Variants in RNF222 observed in about 807,000 individuals in gnomAD.
RNF222 encodes the protein RING finger protein LOC643904.
RNF222 carries 14 observed loss-of-function variants against 10.8 expected under a neutral mutation model. That is an observed-to-expected ratio of 1.30 (90% CI 0.86 to 2.03). The LOEUF is 2.03. Ranked by LOEUF, RNF222 falls within the 30% of genes most tolerant of loss-of-function variation. RNF222 has a pLI of 0.00. For missense variants in RNF222, 298 were observed against 295.8 expected (o/e 1.01, Z -0.06); for synonymous variants, 141 against 142.5 (o/e 0.99, Z 0.07).
chr17:8,396,634 G>A (rs1212885156), intron 1 of RNF222, among the ~76,000 whole-genome samples: 2 of 151,556 alleles, frequency 1.3e-5, no homozygotes, highest in African/African-American at 4.9e-5. Context: ...CGCTTCCAAC[G>A]ATGGCCTCTC....
At position 8,393,469 on chromosome 17, in the gene RNF222, G is replaced by A; in HGVS notation, c.-8C>T. On this transcript the variant is annotated 5_prime_UTR_variant, in exon 3 of 3. Transcript: ENST00000399398. ...GCTCTCCCCTTCTGACATGGCCACTGGGAGATGGCACGCTCAGCTGTGGAC... is the reference window on the plus strand; with the variant it reads ...GCTCTCCCCTTCTGACATGGCCACTAGGAGATGGCACGCTCAGCTGTGGAC... 6.5e-7 allele frequency: 1 copy of A among 1,544,152 alleles called. No homozygotes were observed. The highest frequency in any genetic ancestry group is 1.2e-5 in the South Asian group (1 of 83,192).
At chr17:8,396,170 G>A (rs1412693934) in intron 1 of RNF222, among the ~76,000 whole-genome samples, 4 of 152,132 alleles carry the variant, frequency 2.6e-5, no homozygotes, top group Non-Finnish European at 5.9e-5. Context: ...ATACTAGAGG[G>A]AAAAAGGACT....
chr17:8,393,432 C>G lies in RNF222; in HGVS notation c.30G>C (p.Ser10=), dbSNP rs567114389. 2 of 1,550,966 alleles carry G rather than the reference C, an allele frequency of 1.3e-6. No homozygotes were observed. The highest frequency in any genetic ancestry group is 1.7e-6 in the Non-Finnish European group (2 of 1,146,660). The change falls in exon 3 of 3, where the codon TCG becomes TCC. Residue 10 remains serine (S), a synonymous_variant. Transcript: ENST00000399398. The stretch of plus-strand genomic sequence containing the variant: ...CATAGCACACGGGGCACTCACTGCC[C>G]GAGCTGTCCTTGCTCTCCCCTTCTG... The part of the protein sequence containing the change: MSEGESKDS[S]GSECPVCYEK...
At position 8,394,169 on chromosome 17, in the gene RNF222, T is replaced by C. The variant is rs1473321730; in HGVS notation, c.-26+9A>G. ...GTCACGTCAGGGAGCTTTAGGTTCA[T>C]TCCCTCACCTGCCACAGCTCAGTCA... On this transcript the variant is annotated intron_variant, in intron 2 of 2. Transcript: ENST00000399398. 1 of 152,248 alleles carries C rather than the reference T, an allele frequency of 6.6e-6. No homozygotes were observed. Among genetic ancestry groups the C allele is most frequent in the Admixed American group, 6.5e-5 (1 of 15,284 alleles). The allele number at this position is 152,248 out of a possible 1,614,324, so 9.4% of individuals were successfully genotyped here. A position where few individuals can be genotyped will look rare whatever the true frequency, so the allele number is the denominator to read the frequency against.
chr17:8,397,487 G>T (rs1908075900), intron 1 of RNF222, among the ~76,000 whole-genome samples: 1 of 152,124 alleles, frequency 6.6e-6, no homozygotes, highest in Non-Finnish European at 1.5e-5. Context: ...ATACTTCCAG[G>T]CACCTGGGAT....
At chr17:8,395,414 T>C (rs996152440) in intron 1 of RNF222, among the ~76,000 whole-genome samples, 11 of 152,030 alleles carry the variant, frequency 7.2e-5, no homozygotes, top group African/African-American at 2.7e-4. Flanking sequence ...CCTCGGAGAG[T>C]TGTTGGGGGA....
rs1907918779 is a variant in RNF222, at chr17:8,393,223, A to G, written c.239T>C (p.Met80Thr). The change falls in exon 3 of 3, where the codon ATG (methionine) becomes ACG (threonine). Residue 80 changes from methionine to threonine, a missense_variant. Physicochemically the swap from Met to Thr is moderately conservative, Grantham distance 81 (BLOSUM62 -1). Coordinates refer to ENST00000399398, the MANE Select transcript of RNF222 (RefSeq NM_001146684.3). ...CAGCGTCTGGGAGCTCTTGTCCAGC[A>G]TGGAGGGCCAGCGGGAGCTCTTCTT... ...LSKKSSRWPS[M>T]LDKSSQTLAV... The G allele has an allele frequency of 1.3e-6, 2 of 1,550,946 alleles. No homozygotes were observed. Among genetic ancestry groups the G allele is most frequent in the South Asian group, 1.2e-5 (1 of 84,064 alleles).
rs1286381047 is a variant in RNF222 at position 8,393,025 on chromosome 17, T to A, written c.437A>T (p.Glu146Val). Residue 146 changes from glutamate to valine, a missense_variant, in exon 3 of 3, where the codon GAG becomes GTG. Transcript: ENST00000399398. ...GCGGCTGATGACAAAGATCTGTGAC[T>A]CCCGGGGCAGGCTGGGCAGCAGGTC... ...PLDLLPSLPRESQIFVISRHG... is the reference protein window; with the variant it reads ...PLDLLPSLPRVSQIFVISRHG... 1 of 1,503,086 alleles carries A rather than the reference T, an allele frequency of 6.7e-7. No homozygotes were observed. The highest frequency in any genetic ancestry group is 2.5e-5 in the East Asian group (1 of 40,690). The allele number at this position is 1,503,086 out of a possible 1,614,324, so 93.1% of individuals were successfully genotyped here. A position where few individuals can be genotyped will look rare whatever the true frequency, so the allele number is the denominator to read the frequency against.
intron 1 of RNF222, among the ~76,000 whole-genome samples, chr17:8,396,629 C>T (rs1006790900): frequency 2.6e-5 from 4 of 152,118 alleles, no homozygotes; most frequent in African/African-American, 9.7e-5. Flanking sequence ...CTTCCCGCTT[C>T]CAACGATGGC....
intron 1 of RNF222, among the ~76,000 whole-genome samples, chr17:8,395,229 G>A (rs747666743): frequency 2.0e-5 from 3 of 152,200 alleles, no homozygotes; most frequent in Non-Finnish European, 2.9e-5. Context: ...AAACCTCTTT[G>A]GGAGTTTCTA....
chr17:8,393,032 G>A lies in RNF222; in HGVS notation c.430C>T (p.Pro144Ser). 2 of 1,501,692 alleles carry A rather than the reference G, an allele frequency of 1.3e-6. No individual in the cohort carries two copies. The highest frequency in any genetic ancestry group is 8.8e-7 in the Non-Finnish European group (1 of 1,130,330). The allele number at this position is 1,501,692 out of a possible 1,614,324, so 93.0% of individuals were successfully genotyped here. A position where few individuals can be genotyped will look rare whatever the true frequency, so the allele number is the denominator to read the frequency against. ...ATGACAAAGATCTGTGACTCCCGGG[G>A]CAGGCTGGGCAGCAGGTCCAGGGGG... ...QLPLDLLPSL[P>S]RESQIFVISR... The change falls in exon 3 of 3, where the codon CCC (proline) becomes TCC (serine). Residue 144 changes from proline to serine, a missense_variant. By Grantham distance (74) the Pro-to-Ser change is moderately conservative (BLOSUM62 -1). Transcript: ENST00000399398.
rs78990107 is a variant in RNF222, at chr17:8,391,696, C to T, written c.*1103G>A. The T allele has an allele frequency of 2.0e-5, 3 of 152,254 alleles. No homozygotes were observed. The highest frequency in any genetic ancestry group is 4.4e-5 in the Non-Finnish European group (3 of 68,076). 9.4% of individuals were successfully genotyped at this position (152,254 alleles called of 1,614,324 possible). On this transcript the variant is annotated 3_prime_UTR_variant, in exon 3 of 3. Transcript: ENST00000399398. ...CCGAATGACTCAGGCTAGACCCAACCTGAGGCTCTTCACAGTCCAACGTGG... is the reference window on the plus strand; with the variant it reads ...CCGAATGACTCAGGCTAGACCCAACTTGAGGCTCTTCACAGTCCAACGTGG...
rs1907831910 is a variant in RNF222, at chr17:8,391,649, A to C, written c.*1150T>G. 6.6e-6 allele frequency: 1 copy of C among 152,260 alleles called. No homozygotes were observed. 9.4% of individuals were successfully genotyped at this position (152,260 alleles called of 1,614,324 possible). A position where few individuals can be genotyped will look rare whatever the true frequency, so the allele number is the denominator to read the frequency against. ...AGGTGTTGGTTGACTTACGGACCTCAATAAACAGCCAATAGCTATCCCCGA... is the reference window on the plus strand; with the variant it reads ...AGGTGTTGGTTGACTTACGGACCTCCATAAACAGCCAATAGCTATCCCCGA... On this transcript the variant is annotated 3_prime_UTR_variant, in exon 3 of 3. Transcript: ENST00000399398.
intron 1 of RNF222, among the ~76,000 whole-genome samples, chr17:8,395,401 C>T (rs1006479139): frequency 2.0e-5 from 3 of 152,206 alleles, no homozygotes; most frequent in Non-Finnish European, 1.5e-5. Context: ...ATGGTATCAT[C>T]TTCCTCGGAG....
chr17:8,393,473 G>C lies in RNF222; in HGVS notation c.-12C>G, dbSNP rs1309258006. 7 of 1,542,376 alleles carry C rather than the reference G, an allele frequency of 4.5e-6. No individual in the cohort carries two copies. The highest frequency in any genetic ancestry group is 6.1e-6 in the Non-Finnish European group (7 of 1,142,472). On this transcript the variant is annotated 5_prime_UTR_variant, in exon 3 of 3. The change creates a new upstream start codon in the 5' untranslated region. Coordinates refer to ENST00000399398, the MANE Select transcript of RNF222 (RefSeq NM_001146684.3). ...TCCCCTTCTGACATGGCCACTGGGAGATGGCACGCTCAGCTGTGGACGGGA... is the reference window on the plus strand; with the variant it reads ...TCCCCTTCTGACATGGCCACTGGGACATGGCACGCTCAGCTGTGGACGGGA...
intron 1 of RNF222, among the ~76,000 whole-genome samples, chr17:8,396,712 C>T (rs1318338800): frequency 6.6e-6 from 1 of 152,210 alleles, no homozygotes; most frequent in Non-Finnish European, 1.5e-5. Flanking sequence ...GATGCTACCT[C>T]CTTCCCCACC....
chr17:8,393,805 A>C (rs185047236), intron 2 of RNF222, among the ~76,000 whole-genome samples: 1 of 152,174 alleles, frequency 6.6e-6, no homozygotes, highest in African/African-American at 2.4e-5. Flanking sequence ...CTCAATCATC[A>C]TGTACACACA....
rs1005955773 is a variant in RNF222, at chr17:8,392,651, G to T, written c.*148C>A. ...CTGTCGAGCGGAAGCCCCTGCGGGGGTCGGGGAAGCCCAAGGCCCTCTCTG... is the reference window on the plus strand; with the variant it reads ...CTGTCGAGCGGAAGCCCCTGCGGGGTTCGGGGAAGCCCAAGGCCCTCTCTG... On this transcript the variant is annotated 3_prime_UTR_variant, in exon 3 of 3. Transcript: ENST00000399398. The surrounding 1 kb of genome is among the most constrained non-coding windows in gnomAD (Gnocchi z 4.3). 3.0e-6 allele frequency: 3 copies of T among 998,536 alleles called. No homozygotes were observed. Among genetic ancestry groups the T allele is most frequent in the Non-Finnish European group, 4.2e-6 (3 of 707,246 alleles). 61.9% of individuals were successfully genotyped at this position (998,536 alleles called of 1,614,324 possible).
intron 1 of RNF222, among the ~76,000 whole-genome samples, chr17:8,397,059 A>G (rs978847355): frequency 3.3e-5 from 5 of 152,026 alleles, no homozygotes; most frequent in African/African-American, 7.3e-5. Flanking sequence ...CATTTATTGA[A>G]TCCTAATTAT....
Sources: gnomAD v4.1 joint callset for allele counts (sites outside exome capture counted in the v4.1 genomes callset) on GRCh38, gnomAD v4.1.1 for gene constraint, Gnocchi (gnomAD v3.1) non-coding constraint, MANE v1.5 for transcripts, NCBI Gene and HGNC (gene_info 2026-07-23, HGNC 2026-07-21) for gene names.